CBR4: variants seen among roughly 807,000 people sequenced by gnomAD.
The protein encoded by CBR4 is carbonyl reductase 4.
CBR4 carries 22 observed loss-of-function variants against 21.0 expected under a neutral mutation model. The ratio of observed to expected loss-of-function variants is 1.05; its 90% CI spans 0.75 to 1.50. The LOEUF is 1.50. Ranked by LOEUF, CBR4 falls within the 40% of genes most tolerant of loss-of-function variation. The pLI is 0.00. For missense variants in CBR4, 302 were observed against 286.3 expected, an observed-to-expected ratio of 1.05 and a Z score of -0.40; for synonymous variants, 100 against 104.4, an observed-to-expected ratio of 0.96 and a Z score of 0.26.
chr4:168,986,842 T>G (rs749400829), downstream of CBR4, among the ~76,000 whole-genome samples: 89 of 152,012 alleles, frequency 5.9e-4, no homozygotes, highest in Non-Finnish European at 1.2e-3. Context: ...CTTGGGAGGC[T>G]AAGGCAGGAA....
intron 2 of CBR4, among the ~76,000 whole-genome samples, chr4:168,935,974 C>G (rs181502067): frequency 6.6e-6 from 1 of 152,282 alleles, no homozygotes; most frequent in African/African-American, 2.4e-5. Context: ...CTGGGAGACA[C>G]CTCCTGACTG....
At chr4:168,978,233 GA>G (rs1464673704) in intron 2 of CBR4, among the ~76,000 whole-genome samples, 3 of 152,090 alleles carry the variant, frequency 2.0e-5, no homozygotes, top group Admixed American at 2.0e-4. Context: ...CCTTCTGAAT[GA>G]AAGGCTTTAC....
At chr4:168,958,372 T>C (rs1763748554) in intron 2 of CBR4, among the ~76,000 whole-genome samples, 1 of 152,234 alleles carries the variant, frequency 6.6e-6, no homozygotes, top group Admixed American at 6.5e-5. Flanking sequence ...AGCATAATTA[T>C]TTTGCAATTT....
rs141034182 is a variant in CBR4, at chr4:168,979,570, G to A, written n.169+22501C>T. ...TGCCATTGCGGGGCTTCAGCGGTAC[G>A]GCCCTAGCTGCCCTTGGGCTGCAGA... On this transcript the variant is annotated intron_variant and non_coding_transcript_variant, in intron 2 of 3. Transcript: ENST00000509108. Among the ~76,000 whole-genome samples, 321 of 152,146 alleles carry A rather than the reference G, an allele frequency of 2.1e-3. 1 individual carries two copies. Among genetic ancestry groups the A allele is most frequent in the Non-Finnish European group, 3.6e-3 (244 of 67,982 alleles).
intron 4 of CBR4, among the ~76,000 whole-genome samples, chr4:168,993,889 A>G (rs1388541092): frequency 1.3e-5 from 2 of 152,174 alleles, no homozygotes; most frequent in African/African-American, 4.8e-5. Context: ...GTGGTTAAAA[A>G]AAACCACTGG....
intron 2 of CBR4, among the ~76,000 whole-genome samples, chr4:168,951,911 G>A (rs545691285): frequency 1.3e-5 from 2 of 152,260 alleles, no homozygotes; most frequent in Admixed American, 6.5e-5. Context: ...ATATTTTTGC[G>A]ATGAATTTCC....
chr4:168,943,463 G>T (rs1184850660), intron 2 of CBR4, among the ~76,000 whole-genome samples: 1 of 152,210 alleles, frequency 6.6e-6, no homozygotes, highest in Non-Finnish European at 1.5e-5. Context: ...TTATAGTCAT[G>T]CTTGAGAAAG....
intron 2 of CBR4, among the ~76,000 whole-genome samples, chr4:168,974,443 G>T (rs1764308587): frequency 6.6e-6 from 1 of 152,188 alleles, no homozygotes; most frequent in Non-Finnish European, 1.5e-5. Flanking sequence ...CTTGTATTTA[G>T]ATGTCTAGAT....
chr4:169,001,828 CTCTT>C (rs1321139647), intron 4 of CBR4: 4 of 254,114 alleles, frequency 1.6e-5, no homozygotes, highest in African/African-American at 2.2e-5. Context: ...CCAAATAAGC[CTCTT>C]TTTTTTATGA....
At chr4:168,896,549 G>T in intron 2 of CBR4, 2 of 1,483,792 alleles carry the variant, frequency 1.3e-6, no homozygotes, top group Non-Finnish European at 1.8e-6. Context: ...ACCATTACAG[G>T]ACATTGGTTC....
Position 168,989,199 on chromosome 4 carries a change from A to G in CBR4, c.*951T>C. On this transcript the variant is annotated 3_prime_UTR_variant, in exon 5 of 5. Transcript: ENST00000306193. ...GGATAAGAATCATAATCACTAATGC[A>G]AAATACTCTTAATTTTTTAAATGTT... 2 of 969,940 alleles carry G rather than the reference A, an allele frequency of 2.1e-6. No homozygotes were observed. Among genetic ancestry groups the G allele is most frequent in the East Asian group, 2.3e-4 (2 of 8,752 alleles). 60.1% of individuals were successfully genotyped at this position (969,940 alleles called of 1,614,324 possible).
At chr4:168,940,534 C>A (rs1662120679) in intron 2 of CBR4, among the ~76,000 whole-genome samples, 1 of 152,108 alleles carries the variant, frequency 6.6e-6, no homozygotes, top group African/African-American at 2.4e-5. Context: ...TCTTTGCAAT[C>A]TACCCATCTG....
At position 169,005,830 on chromosome 4, in the gene CBR4, C is replaced by G. The variant is rs1044913480; in HGVS notation, c.400+925G>C. On this transcript the variant is annotated intron_variant, in intron 3 of 4. Coordinates refer to ENST00000306193, the MANE Select transcript of CBR4 (RefSeq NM_032783.5). ...TTCTCACTTTCAAAACAGAAAAACT[C>G]TAAATTCTGGCTTGAAAAACCATTT... 8.2e-6 allele frequency: 10 copies of G among 1,221,572 alleles called. No individual in the cohort carries two copies. In the African/African-American group the frequency reaches 1.6e-4, roughly 19 times the overall value. 75.7% of individuals were successfully genotyped at this position (1,221,572 alleles called of 1,614,324 possible). A position where few individuals can be genotyped will look rare whatever the true frequency, so the allele number is the denominator to read the frequency against.
intron 1 of CBR4, among the ~76,000 whole-genome samples, chr4:169,008,715 C>T (rs570567073): frequency 9.1e-4 from 138 of 152,324 alleles, no homozygotes; most frequent in African/African-American, 3.2e-3. Flanking sequence ...CTAATGGCTT[C>T]AATCCAGTCC....
rs1006923015 is a variant in CBR4, at chr4:168,988,517, G to A, written c.*1633C>T. 1.0e-6 allele frequency: 1 copy of A among 985,342 alleles called. No homozygotes were observed. Among genetic ancestry groups the A allele is most frequent in the African/African-American group, 1.7e-5 (1 of 57,332 alleles). The allele number at this position is 985,342 out of a possible 1,614,324, so 61.0% of individuals were successfully genotyped here. A position where few individuals can be genotyped will look rare whatever the true frequency, so the allele number is the denominator to read the frequency against. On this transcript the variant is annotated 3_prime_UTR_variant, in exon 5 of 5. Transcript: ENST00000306193. ...TACAGGTAGCCAAAGGCCAGCAATT[G>A]AGACAGCATTAGAGAAACTATCTAC... is the stretch of plus-strand genomic sequence containing the variant.
At chr4:168,963,371 A>G (rs1012750458) in intron 2 of CBR4, among the ~76,000 whole-genome samples, 1 of 152,230 alleles carries the variant, frequency 6.6e-6, no homozygotes, top group African/African-American at 2.4e-5. Flanking sequence ...TCATTCAGAG[A>G]AGATAACAGA....
intron 2 of CBR4, among the ~76,000 whole-genome samples, chr4:168,900,741 A>T (rs1340709011): frequency 6.6e-6 from 1 of 152,222 alleles, no homozygotes; most frequent in African/African-American, 2.4e-5. Flanking sequence ...CTCCATTGTT[A>T]TAGAAAACTT....
chr4:168,896,597 A>G, intron 2 of CBR4: 1 of 1,500,564 alleles, frequency 6.7e-7, no homozygotes, highest in Non-Finnish European at 9.0e-7. Flanking sequence ...GGATGGTCAA[A>G]AGGTTAAGCT....
chr4:168,894,552 G>A, intron 3 of CBR4: 1 of 1,483,506 alleles, frequency 6.7e-7, no homozygotes, highest in Non-Finnish European at 9.4e-7. Flanking sequence ...TTCTAATTTT[G>A]TATTTTTTGT....
Sources: gnomAD v4.1 joint callset for allele counts (sites outside exome capture counted in the v4.1 genomes callset) on GRCh38, gnomAD v4.1.1 for gene constraint, MANE v1.5 for transcripts, NCBI Gene and HGNC (gene_info 2026-07-23, HGNC 2026-07-21) for gene names.